Variants in TPH2 observed in about 807,000 individuals in gnomAD.
The protein encoded by TPH2 is tryptophan hydroxylase 2.
TPH2 carries 27 observed loss-of-function variants against 59.1 expected under a neutral mutation model. The observed-to-expected ratio is 0.46, with a 90% CI of 0.34 to 0.63. The LOEUF is 0.63. TPH2 is among the 30% of genes least tolerant of loss of function. The probability of loss-of-function intolerance (pLI) is 0.01; values close to 1 mark genes in which losing one functional copy is unlikely to be tolerated. For missense variants in TPH2, 523 were observed against 588.3 expected, an observed-to-expected ratio of 0.89 and a Z score of 1.15; for synonymous variants, 220 against 210.5, an observed-to-expected ratio of 1.05 and a Z score of -0.39.
chr12:71,945,060 G>T (rs563981019), intron 4 of TPH2, among the ~76,000 whole-genome samples: 1 of 152,136 alleles, frequency 6.6e-6, no homozygotes, highest in South Asian at 2.1e-4. Flanking sequence ...GTATTATGGG[G>T]CTCAGTGAGA....
chr12:71,956,602 T>C (rs1465738301), intron 5 of TPH2, among the ~76,000 whole-genome samples: 1 of 149,202 alleles, frequency 6.7e-6, no homozygotes, highest in Non-Finnish European at 1.5e-5. Flanking sequence ...CCTCCTTCCC[T>C]CTTTCTCTCC....
chr12:72,012,635 G>T (rs1424436817), intron 8 of TPH2, among the ~76,000 whole-genome samples: 1 of 152,212 alleles, frequency 6.6e-6, no homozygotes, highest in Admixed American at 6.5e-5. Flanking sequence ...CCAGATGGTT[G>T]TCATGACCTA....
rs924818338 is a variant in TPH2, at chr12:71,966,710, C to T, written c.609-5809C>T. ...TTTGCTCCTTGCCACTGAGAAAATCCGGCTGTTTTCAAAGAACACAATTGG... is the reference window on the plus strand; with the variant it reads ...TTTGCTCCTTGCCACTGAGAAAATCTGGCTGTTTTCAAAGAACACAATTGG... On this transcript the variant is annotated intron_variant, in intron 5 of 10. Transcript: ENST00000333850. 5.3e-5 allele frequency among the ~76,000 whole-genome samples: 8 copies of T among 152,080 alleles called. No individual in the cohort carries two copies. The South Asian group carries it at 6.2e-4, about 12-fold the overall frequency.
At chr12:71,989,153 A>G (rs1650945702) in intron 7 of TPH2, among the ~76,000 whole-genome samples, 1 of 151,298 alleles carries the variant, frequency 6.6e-6, no homozygotes, top group African/African-American at 2.4e-5. Flanking sequence ...TGTGATAGGG[A>G]TATAAGAAGG....
intron 8 of TPH2, among the ~76,000 whole-genome samples, chr12:71,996,274 C>G (rs1872693438): frequency 6.6e-6 from 1 of 152,176 alleles, no homozygotes; most frequent in Non-Finnish European, 1.5e-5. Flanking sequence ...AGAGTGAGAG[C>G]AAGGAGAAAG....
intron 5 of TPH2, among the ~76,000 whole-genome samples, chr12:71,965,996 G>T (rs1000144395): frequency 6.6e-6 from 1 of 152,060 alleles, no homozygotes; most frequent in African/African-American, 2.4e-5. Context: ...CCTTTAAAAG[G>T]TTACATTAGA....
intron 3 of TPH2, 54 bp downstream of exon 3, chr12:71,944,531 A>T: frequency 1.2e-6 from 2 of 1,613,772 alleles, no homozygotes; most frequent in South Asian, 2.2e-5. Flanking sequence ...AATATTGCAA[A>T]GGGGAAAACA....
intron 7 of TPH2, among the ~76,000 whole-genome samples, chr12:71,981,516 G>A (rs1475591806): frequency 6.6e-6 from 1 of 152,120 alleles, no homozygotes; most frequent in Non-Finnish European, 1.5e-5. Flanking sequence ...GCTAGATGAG[G>A]TCAGAGGTAT....
chr12:71,945,136 T>C (rs983816412), intron 4 of TPH2, among the ~76,000 whole-genome samples: 2 of 152,156 alleles, frequency 1.3e-5, no homozygotes, highest in Admixed American at 1.3e-4. Flanking sequence ...TGTAGTTGAC[T>C]TCAGTCTCAA....
At chr12:72,014,638 G>A (rs996318575) in intron 8 of TPH2, among the ~76,000 whole-genome samples, 3 of 152,158 alleles carry the variant, frequency 2.0e-5, no homozygotes, top group South Asian at 2.1e-4. Context: ...TGATCTACCC[G>A]CCTTGGCCTC....
Position 71,963,808 on chromosome 12 carries a change from C to CA in TPH2, c.609-8691dup, listed in dbSNP as rs1174520030. On this transcript the variant is annotated intron_variant, in intron 5 of 10. Coordinates refer to ENST00000333850, the MANE Select transcript of TPH2 (RefSeq NM_173353.4). ...TGGGTGACAGAGTCAGATTCTGTCTCAAAAAAAAAAAAAAAAAAAATCTGC... is the reference window on the plus strand; with the variant it reads ...TGGGTGACAGAGTCAGATTCTGTCTCAAAAAAAAAAAAAAAAAAAAATCTGC... Among the ~76,000 whole-genome samples, 14 of 14,436 alleles carry CA rather than the reference C, an allele frequency of 9.7e-4. 2 individuals carry two copies. Among genetic ancestry groups the CA allele is most frequent in the Non-Finnish European group, 1.2e-3 (7 of 5,968 alleles). 9.5% of individuals were successfully genotyped at this position (14,436 alleles called of 152,430 possible).
At chr12:72,000,386 T>A (rs1314197673) in intron 8 of TPH2, among the ~76,000 whole-genome samples, 1 of 152,204 alleles carries the variant, frequency 6.6e-6, no homozygotes, top group Non-Finnish European at 1.5e-5. Flanking sequence ...AGACAAAGAT[T>A]ATATCCCCTT....
chr12:71,941,905 T>A (rs752681732), intron 2 of TPH2, among the ~76,000 whole-genome samples, 172 bp downstream of exon 2: 15 of 152,198 alleles, frequency 9.9e-5, no homozygotes, highest in Non-Finnish European at 2.1e-4. Flanking sequence ...AGCAATGAAA[T>A]AAGCAGAATT....
intron 7 of TPH2, among the ~76,000 whole-genome samples, chr12:71,989,617 A>C (rs1872532168): frequency 6.6e-6 from 1 of 152,246 alleles, no homozygotes; most frequent in African/African-American, 2.4e-5. Flanking sequence ...CAAATGTTGG[A>C]TGCTCAGTCA....
At chr12:71,982,014 TA>T (rs1773344507) in intron 7 of TPH2, among the ~76,000 whole-genome samples, 1 of 130,508 alleles carries the variant, frequency 7.7e-6, no homozygotes, top group African/African-American at 2.9e-5. Context: ...ATATCATTCG[TA>T]TTTTTTTTTT....
chr12:71,946,486 C>T (rs192635743), intron 4 of TPH2, among the ~76,000 whole-genome samples: 2 of 152,272 alleles, frequency 1.3e-5, no homozygotes, highest in East Asian at 3.9e-4. Flanking sequence ...CCTAATTATA[C>T]CCACCTTATG....
Position 71,968,858 on chromosome 12 carries a change from C to T in TPH2, c.609-3661C>T, listed in dbSNP as rs559228445. Among the ~76,000 whole-genome samples the T allele has an allele frequency of 3.0e-3, 450 of 152,336 alleles. 1 individual carries two copies. The highest frequency in any genetic ancestry group is 0.01 in the African/African-American group (425 of 41,566). The stretch of plus-strand genomic sequence containing the variant: ...CCAAGCCCTGTAAGGAGATGGTTGG[C>T]TTCAGCTGCTGGGGAATTTCTCTAG... On this transcript the variant is annotated intron_variant, in intron 5 of 10. Transcript: ENST00000333850.
At chr12:71,961,424 GCTT>G (rs1274338671) in intron 5 of TPH2, 2 of 749,334 alleles carry the variant, frequency 2.7e-6, no homozygotes, top group Non-Finnish European at 3.7e-6. Flanking sequence ...GGATAATCAC[GCTT>G]CTTCATCTAT....
intron 1 of TPH2, 56 bp downstream of exon 1, chr12:71,939,147 T>C (rs1275988540): frequency 1.7e-6 from 2 of 1,209,892 alleles, no homozygotes; most frequent in Non-Finnish European, 2.3e-6. Flanking sequence ...GTGACCATCT[T>C]CTCCTCACCA....
Sources: gnomAD v4.1 joint callset for allele counts (sites outside exome capture counted in the v4.1 genomes callset) on GRCh38, gnomAD v4.1.1 for gene constraint, MANE v1.5 for transcripts, NCBI Gene and HGNC (gene_info 2026-07-23, HGNC 2026-07-21) for gene names.